Variants in UGT2B17 observed in about 807,000 individuals in gnomAD.
UGT2B17 encodes the protein UDP glucuronosyltransferase family 2 member B17.
Under a neutral mutation model 48.2 loss-of-function variants are expected in UGT2B17, and 21 were observed. That is an observed-to-expected ratio of 0.44 (90% confidence interval 0.31 to 0.63). The LOEUF (loss-of-function observed/expected upper bound fraction) is 0.63, where lower values mean the gene tolerates loss of function less well. Ranked by LOEUF, UGT2B17 falls within the 20% of genes least tolerant of loss-of-function variation. UGT2B17 has a pLI of 0.08. For synonymous variants in UGT2B17, 146 were observed against 238.4 expected, an observed-to-expected ratio of 0.61 and a Z score of 3.57; for missense variants, 402 against 696.1, an observed-to-expected ratio of 0.58 and a Z score of 4.75.
intron 6 of UGT2B17, 130 bp downstream of exon 6, chr4:68,550,547 G>T: frequency 1.4e-6 from 1 of 691,006 alleles, no homozygotes; most frequent in Non-Finnish European, 2.0e-6. Flanking sequence ...GAAAATAAGA[G>T]CAGATTTTAC....
At position 68,570,791 on chromosome 4, in the gene UGT2B17, A is replaced by G. The variant is rs1731286207; in HGVS notation, c.-64-2243T>C. 2.4e-5 allele frequency among the ~76,000 whole-genome samples: 3 copies of G among 126,000 alleles called. 1 individual carries two copies. The highest frequency in any genetic ancestry group is 3.4e-5 in the Non-Finnish European group (2 of 59,538). 82.7% of individuals were successfully genotyped at this position (126,000 alleles called of 152,430 possible). On this transcript the variant is annotated intron_variant, in intron 1 of 6. Transcript: ENST00000317746. ...GTAACTCCTATTATAAGAGTTTTAA[A>G]TTTTTCTAGTGCTGGGAACCACTTT...
At chr4:68,570,964 T>A (rs1731288465) in intron 1 of UGT2B17, among the ~76,000 whole-genome samples, 1 of 126,388 alleles carries the variant, frequency 7.9e-6, no homozygotes, top group South Asian at 3.5e-4. Context: ...CACAAACTCC[T>A]CCTTCAGCTG....
At chr4:68,564,014 T>A (rs1399823162) in intron 3 of UGT2B17, among the ~76,000 whole-genome samples, 2 of 124,640 alleles carry the variant, frequency 1.6e-5, no homozygotes, top group Non-Finnish European at 3.4e-5. Flanking sequence ...CAGAGACAAC[T>A]TAAGTGTTTT....
intron 2 of UGT2B17, 40 bp downstream of exon 2, chr4:68,567,721 A>T (rs769410056): frequency 8.0e-7 from 1 of 1,245,866 alleles, no homozygotes; most frequent in South Asian, 2.4e-5. Flanking sequence ...GGCACAGGAA[A>T]ATTAGAACTT....
intron 6 of UGT2B17, among the ~76,000 whole-genome samples, chr4:68,542,982 GC>G (rs1730706140): frequency 7.9e-6 from 1 of 126,536 alleles, no homozygotes; most frequent in Non-Finnish European, 1.7e-5. Flanking sequence ...GCTCAAGGAC[GC>G]CTGCCTGCCT....
chr4:68,561,409 A>G lies in UGT2B17; in HGVS notation c.874-741T>C, dbSNP rs1025458479. 4.0e-5 allele frequency among the ~76,000 whole-genome samples: 5 copies of G among 124,636 alleles called. 1 individual carries two copies. The highest frequency in any genetic ancestry group is 1.4e-4 in the African/African-American group (5 of 36,402). 81.8% of individuals were successfully genotyped at this position (124,636 alleles called of 152,430 possible). A position where few individuals can be genotyped will look rare whatever the true frequency, so the allele number is the denominator to read the frequency against. On this transcript the variant is annotated intron_variant, in intron 3 of 6. Transcript: ENST00000317746. ...AGAATTCCATTTATAATACAGTATT[A>G]TATACTATTTAGTTACATAATTAAG...
rs534616172 is a variant in UGT2B17 at position 68,562,969 on chromosome 4, G to A, written c.874-2301C>T. ...AATGGATTGTAATGGCTTGGTATGC[G>A]CATTGTATAAGTTTTTAACCATTTC... On this transcript the variant is annotated intron_variant, in intron 3 of 6. Coordinates refer to ENST00000317746, the MANE Select transcript of UGT2B17 (RefSeq NM_001077.4). Among the ~76,000 whole-genome samples the A allele has an allele frequency of 1.2e-4, 15 of 125,888 alleles. 2 individuals carry two copies. Among genetic ancestry groups the A allele is most frequent in the African/African-American group, 2.4e-4 (9 of 36,880 alleles). 82.6% of individuals were successfully genotyped at this position (125,888 alleles called of 152,430 possible). A position where few individuals can be genotyped will look rare whatever the true frequency, so the allele number is the denominator to read the frequency against.
rs187789897 is a variant in UGT2B17 at position 68,537,988 on chromosome 4, C to T, written c.1314-84G>A. The T allele has an allele frequency of 7.7e-3, 7,613 of 985,394 alleles. 1,477 individuals are homozygous for T. Among genetic ancestry groups the T allele is most frequent in the Middle Eastern group, 0.038 (140 of 3,668 alleles). 61.0% of individuals were successfully genotyped at this position (985,394 alleles called of 1,614,324 possible). On this transcript the variant is annotated intron_variant, in intron 6 of 6. Transcript: ENST00000317746. ...AAGTCTATGGATGGTCTTTGAAAAG[C>T]GCCACACAAGTGATTCAAAGTAAGT...
Position 68,537,408 on chromosome 4 carries a change from A to C in UGT2B17, c.*217T>G. ...TTTCAATATAAGCCCATAAGGTTTT[A>C]TATTATTATTTTTCATAGCTTAAAA... On this transcript the variant is annotated 3_prime_UTR_variant, in exon 7 of 7. Transcript: ENST00000317746. 1 of 377,448 alleles carries C rather than the reference A, an allele frequency of 2.6e-6. No homozygotes were observed. The highest frequency in any genetic ancestry group is 3.9e-6 in the Non-Finnish European group (1 of 254,182). The allele number at this position is 377,448 out of a possible 1,614,324, so 23.4% of individuals were successfully genotyped here.
chr4:68,551,170 A>T (rs1395348005), intron 5 of UGT2B17, among the ~76,000 whole-genome samples: 1 of 125,980 alleles, frequency 7.9e-6, no homozygotes, highest in Non-Finnish European at 1.7e-5. Flanking sequence ...GAAAAAACAT[A>T]TTCTTAATTA....
chr4:68,540,560 CG>C (rs1382465772), intron 6 of UGT2B17, among the ~76,000 whole-genome samples: 2 of 126,722 alleles, frequency 1.6e-5, no homozygotes, highest in African/African-American at 2.7e-5. Flanking sequence ...CTCTTGACCT[CG>C]TGATCTGCCC....
Position 68,550,322 on chromosome 4 carries a change from A to T in UGT2B17, c.1313+355T>A, listed in dbSNP as rs1473370979. 3.2e-5 allele frequency among the ~76,000 whole-genome samples: 4 copies of T among 126,188 alleles called. 1 individual carries two copies. The highest frequency in any genetic ancestry group is 1.1e-4 in the African/African-American group (4 of 37,094). 82.8% of individuals were successfully genotyped at this position (126,188 alleles called of 152,430 possible). A position where few individuals can be genotyped will look rare whatever the true frequency, so the allele number is the denominator to read the frequency against. On this transcript the variant is annotated intron_variant, in intron 6 of 6. Coordinates refer to ENST00000317746, the MANE Select transcript of UGT2B17 (RefSeq NM_001077.4). ...AATAAAAATAAATTTTTGAGAAAGA[A>T]TAGATTCATACTTTCAGAAATTTTA...
chr4:68,537,865 A>G lies in UGT2B17; in HGVS notation c.1353T>C (p.His451=), dbSNP rs140472669. The change falls in exon 7 of 7, where the codon CAT becomes CAC. Residue 451 remains histidine, a synonymous_variant. Transcript: ENST00000317746. Reference sequence around the variant, plus strand: ...GATCCAGGGGCTTCACCGGTTGATCATGATGAATTCTTGATAATTTCATGA... The same window carrying G: ...GATCCAGGGGCTTCACCGGTTGATCGTGATGAATTCTTGATAATTTCATGA... ...ENIMKLSRIH[H]DQPVKPLDRA... 2.2e-6 allele frequency: 3 copies of G among 1,374,734 alleles called. No individual in the cohort carries two copies. In the African/African-American group the frequency reaches 4.4e-5, roughly 20 times the overall value. 85.2% of individuals were successfully genotyped at this position (1,374,734 alleles called of 1,614,324 possible).
At position 68,547,716 on chromosome 4, in the gene UGT2B17, A is replaced by G. The variant is rs1174009770; in HGVS notation, c.1313+2961T>C. Among the ~76,000 whole-genome samples, 3 of 85,512 alleles carry G rather than the reference A, an allele frequency of 3.5e-5. 1 individual carries two copies. Among genetic ancestry groups the G allele is most frequent in the Non-Finnish European group, 8.9e-5 (3 of 33,680 alleles). The allele number at this position is 85,512 out of a possible 152,430, so 56.1% of individuals were successfully genotyped here. A position where few individuals can be genotyped will look rare whatever the true frequency, so the allele number is the denominator to read the frequency against. On this transcript the variant is annotated intron_variant, in intron 6 of 6. Transcript: ENST00000317746. ...ATATCCAGAATCTACAATGAACTCAAACAAATTTACAAGAAAAAAACAAAC... is the reference window on the plus strand; with the variant it reads ...ATATCCAGAATCTACAATGAACTCAGACAAATTTACAAGAAAAAAACAAAC...
chr4:68,562,408 C>G (rs1177683557), intron 3 of UGT2B17, among the ~76,000 whole-genome samples: 1 of 126,148 alleles, frequency 7.9e-6, no homozygotes, highest in African/African-American at 2.7e-5. Flanking sequence ...CCACTGTGCC[C>G]GGTCTGATAT....
chr4:68,553,261 C>G lies in UGT2B17; in HGVS notation c.1006-1350G>C, dbSNP rs1730947372. ...ATTTGGTGAAAATTCTTCACAGATG[C>G]AAAAGAGAAAACAAAACAAAACCTA... is the stretch of plus-strand genomic sequence containing the variant. On this transcript the variant is annotated intron_variant, in intron 4 of 6. Transcript: ENST00000317746. Among the ~76,000 whole-genome samples, 2 of 125,796 alleles carry G rather than the reference C, an allele frequency of 1.6e-5. 1 individual carries two copies. The highest frequency in any genetic ancestry group is 1.6e-4 in the Admixed American group (2 of 12,252). The allele number at this position is 125,796 out of a possible 152,430, so 82.5% of individuals were successfully genotyped here.
intron 6 of UGT2B17, among the ~76,000 whole-genome samples, chr4:68,542,004 T>C (rs1423622302): frequency 2.4e-5 from 3 of 125,854 alleles, no homozygotes; most frequent in Non-Finnish European, 3.4e-5. Flanking sequence ...TTGGTCTATA[T>C]GTCTGCTTTT....
chr4:68,549,329 AG>A (rs1473319340), intron 6 of UGT2B17, among the ~76,000 whole-genome samples: 1 of 94,390 alleles, frequency 1.1e-5, no homozygotes, highest in African/African-American at 3.0e-5. Flanking sequence ...ATGTTTCAAA[AG>A]GCATCCTCCA....
chr4:68,562,112 TTTTA>T lies in UGT2B17; in HGVS notation c.874-1448_874-1445del, dbSNP rs902678898. ...TATGACATCTTTTATTTTTATTTTA[TTTTA>T]TTTATTTATTTATTTTTGAGATGGA... On this transcript the variant is annotated intron_variant, in intron 3 of 6. Coordinates refer to ENST00000317746, the MANE Select transcript of UGT2B17 (RefSeq NM_001077.4). 1.6e-5 allele frequency among the ~76,000 whole-genome samples: 2 copies of T among 125,032 alleles called. 1 individual carries two copies. Among genetic ancestry groups the T allele is most frequent in the Non-Finnish European group, 3.4e-5 (2 of 59,314 alleles). The allele number at this position is 125,032 out of a possible 152,430, so 82.0% of individuals were successfully genotyped here. A position where few individuals can be genotyped will look rare whatever the true frequency, so the allele number is the denominator to read the frequency against.
Sources: allele counts gnomAD v4.1 joint callset (sites outside exome capture counted in the v4.1 genomes callset), GRCh38; gene constraint gnomAD v4.1.1; transcripts MANE v1.5; gene names NCBI Gene and HGNC (gene_info 2026-07-23, HGNC 2026-07-21).